Variants in AFTPH observed in about 807,000 individuals in gnomAD.
AFTPH encodes aftiphilin protein.
A neutral mutation model predicts 72.5 loss-of-function variants in AFTPH; 7 were observed. That is an observed-to-expected ratio of 0.10 (90% CI 0.05 to 0.18). AFTPH has a LOEUF of 0.18. Ranked by LOEUF, AFTPH falls within the 10% of genes least tolerant of loss-of-function variation. The pLI is 1.00. For missense variants in AFTPH, 979 were observed against 1,060.5 expected (o/e 0.92, Z 1.07); for synonymous variants, 337 against 370.1 (o/e 0.91, Z 1.03).
At chr2:64,544,688 A>G (rs1670460191) in intron 1 of AFTPH, among the ~76,000 whole-genome samples, 1 of 143,424 alleles carries the variant, frequency 7.0e-6, no homozygotes, top group Admixed American at 7.1e-5. Context: ...TTATACAAGT[A>G]ATACTTCAAT....
chr2:64,563,185 G>A (rs950224230), intron 2 of AFTPH, among the ~76,000 whole-genome samples: 22 of 152,100 alleles, frequency 1.4e-4, no homozygotes, highest in Admixed American at 3.3e-4. Context: ...AGAAATCCAA[G>A]TTTAATATTT....
intron 8 of AFTPH, among the ~76,000 whole-genome samples, chr2:64,588,706 T>C (rs1673647554): frequency 1.3e-5 from 2 of 152,228 alleles, no homozygotes; most frequent in African/African-American, 4.8e-5. Context: ...ATCGACTATT[T>C]GTATATCTTC....
intron 1 of AFTPH, among the ~76,000 whole-genome samples, chr2:64,533,887 C>A (rs1459844703): frequency 1.3e-5 from 2 of 152,122 alleles, no homozygotes; most frequent in Admixed American, 6.5e-5. Flanking sequence ...AGTGATCCTT[C>A]CTAAGTGATT....
At chr2:64,541,703 T>G (rs1232831097) in intron 1 of AFTPH, among the ~76,000 whole-genome samples, 3 of 152,200 alleles carry the variant, frequency 2.0e-5, no homozygotes, top group Non-Finnish European at 4.4e-5. Flanking sequence ...TTTGAACTAC[T>G]GTACACCAGG....
At chr2:64,588,047 C>A (rs1673610794) in intron 8 of AFTPH, among the ~76,000 whole-genome samples, 1 of 152,178 alleles carries the variant, frequency 6.6e-6, no homozygotes, top group African/African-American at 2.4e-5. Context: ...TCATCACTAT[C>A]TAATTCCAAA....
chr2:64,585,254 G>A (rs1463857433), intron 7 of AFTPH, among the ~76,000 whole-genome samples, 168 bp from the exon 9 acceptor site: 1 of 152,196 alleles, frequency 6.6e-6, no homozygotes, highest in East Asian at 1.9e-4. Context: ...TCCAAAAAGT[G>A]GAGTTTATAC....
chr2:64,555,244 C>G (rs899030349), intron 2 of AFTPH, among the ~76,000 whole-genome samples: 2 of 151,810 alleles, frequency 1.3e-5, no homozygotes. Flanking sequence ...ATAAAACAAA[C>G]TATAGATGGG....
intron 1 of AFTPH, among the ~76,000 whole-genome samples, chr2:64,531,081 A>C (rs1048423390): frequency 7.1e-6 from 1 of 141,178 alleles, no homozygotes; most frequent in Non-Finnish European, 1.5e-5. Context: ...AAAAAAAAAA[A>C]CACCACAAAA....
intron 1 of AFTPH, among the ~76,000 whole-genome samples, chr2:64,549,471 C>T (rs1468669702): frequency 6.7e-6 from 1 of 148,394 alleles, no homozygotes; most frequent in Admixed American, 6.7e-5. Flanking sequence ...CAGATGTGCA[C>T]CACCACGCCC....
At chr2:64,536,920 T>C (rs1267585368) in intron 1 of AFTPH, among the ~76,000 whole-genome samples, 2 of 130,640 alleles carry the variant, frequency 1.5e-5, no homozygotes, top group Non-Finnish European at 3.1e-5. Context: ...ACCACTGTAC[T>C]GCAGCCTGGG....
At chr2:64,543,837 A>G (rs908057914) in intron 1 of AFTPH, among the ~76,000 whole-genome samples, 1 of 152,288 alleles carries the variant, frequency 6.6e-6, no homozygotes, top group South Asian at 2.1e-4. Flanking sequence ...CAGAGCTTAC[A>G]ACTTACAGAC....
intron 1 of AFTPH, among the ~76,000 whole-genome samples, chr2:64,535,300 CTT>C (rs527530519): frequency 1.2e-3 from 180 of 152,124 alleles, no homozygotes; most frequent in African/African-American, 4.1e-3. Context: ...ATCTTCGAAA[CTT>C]TTAAAAAAGA....
chr2:64,535,486 C>G (rs977688913), intron 1 of AFTPH, among the ~76,000 whole-genome samples: 1 of 152,236 alleles, frequency 6.6e-6, no homozygotes, highest in Non-Finnish European at 1.5e-5. Context: ...GAAAAGAACA[C>G]TGGCTTTGAG....
intron 1 of AFTPH, among the ~76,000 whole-genome samples, chr2:64,547,005 T>C (rs1670677454): frequency 2.0e-5 from 3 of 151,950 alleles, no homozygotes; most frequent in Non-Finnish European, 2.9e-5. Context: ...GCCGAGATCG[T>C]GCCACTGCAC....
chr2:64,550,675 A>G (rs939690574), intron 1 of AFTPH, among the ~76,000 whole-genome samples: 4 of 123,978 alleles, frequency 3.2e-5, no homozygotes, highest in Non-Finnish European at 6.6e-5. Flanking sequence ...AACTGTACGC[A>G]TGCACACACA....
Position 64,567,598 on chromosome 2 carries a change from G to A in AFTPH, c.1972G>A (p.Ala658Thr), listed in dbSNP as rs368893807. 4.3e-6 allele frequency: 7 copies of A among 1,612,652 alleles called. No individual in the cohort carries two copies. In the African/African-American group the frequency reaches 6.7e-5, roughly 15 times the overall value. Reference sequence around the variant, plus strand: ...AAACCGCCTGGAGCGAATTTTCGAAGCATGTTTTCCTTCCATACTTGTCCC... The same window carrying A: ...AAACCGCCTGGAGCGAATTTTCGAAACATGTTTTCCTTCCATACTTGTCCC... Residue 658 changes from alanine to threonine, a missense_variant, in exon 3 of 9, where the codon GCA (alanine) becomes ACA (threonine). This residue lies in a region of AFTPH where 438 missense variants were observed against 530.0 expected (regional missense o/e 0.83). Coordinates refer to ENST00000238856, the Ensembl canonical transcript of AFTPH.
At chr2:64,573,712 C>T (rs1672590937) in intron 6 of AFTPH, among the ~76,000 whole-genome samples, 1 of 152,180 alleles carries the variant, frequency 6.6e-6, no homozygotes, top group Non-Finnish European at 1.5e-5. Context: ...GGCTGGAGTG[C>T]AGTGGTATGA....
At chr2:64,580,705 A>C (rs1310705048) in intron 7 of AFTPH, 1 of 152,794 alleles carries the variant, frequency 6.5e-6, no homozygotes, top group Non-Finnish European at 1.5e-5. Context: ...TTTATTTTAA[A>C]CTAAGTTAAC....
rs1054425197 is a variant in AFTPH at position 64,583,940 on chromosome 2, A to G, written c.2456-1482A>G. On this transcript the variant is annotated intron_variant, in intron 7 of 8. Coordinates refer to ENST00000238856, the Ensembl canonical transcript of AFTPH. ...TCAGTTTCTGATTTTTTAATTTTTT[A>G]ATATGTTAAGTATCTTAAAAGGAAA... Among the ~76,000 whole-genome samples the G allele has an allele frequency of 5.3e-5, 8 of 152,044 alleles. 1 individual carries two copies. Among genetic ancestry groups the G allele is most frequent in the African/African-American group, 1.9e-4 (8 of 41,416 alleles).
Sources: gnomAD v4.1 joint callset for allele counts (sites outside exome capture counted in the v4.1 genomes callset) on GRCh38, gnomAD v4.1.1 for gene constraint, gnomAD v4.1.1 regional missense constraint, MANE v1.5 for transcripts, NCBI Gene and HGNC (gene_info 2026-07-23, HGNC 2026-07-21) for gene names.